Variants in PCDH15 observed in about 807,000 individuals in gnomAD.
PCDH15 encodes the protein protocadherin related 15, also known as protocadherin-15.
Under a neutral mutation model 178.5 loss-of-function variants are expected in PCDH15, and 129 were observed. The ratio of observed to expected loss-of-function variants is 0.72; its 90% CI spans 0.63 to 0.84. PCDH15 has a LOEUF of 0.84. Ranked by LOEUF, PCDH15 falls within the 40% of genes least tolerant of loss-of-function variation. The pLI, the probability that PCDH15 is intolerant of heterozygous loss-of-function variation, is 0.00. For missense variants in PCDH15, 2,230 were observed against 2,099.9 expected (o/e 1.06, Z -1.21); for synonymous variants, 800 against 732.0 (o/e 1.09, Z -1.50).
chr10:54,731,561 T>C (rs202102967), intron 1 of PCDH15, among the ~76,000 whole-genome samples: 2,489 of 48,290 alleles, frequency 0.052, 103 homozygotes, highest in African/African-American at 0.13. Context: ...TATATATATA[T>C]ATACACACAC....
intron 11 of PCDH15, 100 bp downstream of exon 11, chr10:54,195,583 C>G (rs890143567): frequency 2.9e-6 from 3 of 1,026,636 alleles, no homozygotes; most frequent in African/African-American, 1.6e-5. Flanking sequence ...ACTTAATTCT[C>G]TCTTCTCTAG....
chr10:55,025,316 T>C (rs1202635334), intron 2 of PCDH15, among the ~76,000 whole-genome samples: 7 of 152,212 alleles, frequency 4.6e-5, no homozygotes, highest in African/African-American at 7.2e-5. Flanking sequence ...GATGGTTTTA[T>C]GTTCTTCTTT....
chr10:55,418,122 C>T (rs1022137500), intron 2 of PCDH15, among the ~76,000 whole-genome samples: 46 of 151,532 alleles, frequency 3.0e-4, no homozygotes, highest in African/African-American at 8.2e-4. Flanking sequence ...AATCATAGAA[C>T]AGTACATGGT....
chr10:54,901,602 G>A (rs6481128), intron 2 of PCDH15, among the ~76,000 whole-genome samples: 93,481 of 151,880 alleles, frequency 0.62, 29,598 homozygotes, highest in African/African-American at 0.75. Flanking sequence ...TTAAATAAAT[G>A]TCATTTTTTT....
At chr10:55,066,549 T>G (rs1281425530) in intron 2 of PCDH15, among the ~76,000 whole-genome samples, 1 of 149,702 alleles carries the variant, frequency 6.7e-6, no homozygotes, top group Non-Finnish European at 1.5e-5. Context: ...TTTATTAATT[T>G]ATAAATTTAT....
intron 1 of PCDH15, among the ~76,000 whole-genome samples, chr10:54,786,853 A>G (rs1025845171): frequency 7.2e-5 from 11 of 151,864 alleles, no homozygotes; most frequent in Non-Finnish European, 2.9e-5. Flanking sequence ...CAAATAGGGT[A>G]TGGCAGGTCT....
In PCDH15 at chr10:55,160,826, G is replaced by A. The variant is rs114945939; in HGVS notation, c.-80+5750C>T. Among the ~76,000 whole-genome samples, 1,147 of 152,048 alleles carry A rather than the reference G, an allele frequency of 7.5e-3. 17 individuals carry two copies. Among genetic ancestry groups the A allele is most frequent in the African/African-American group, 0.025 (1,036 of 41,466 alleles). On this transcript the variant is annotated intron_variant, in intron 2 of 5. Coordinates refer to the PCDH15 transcript ENST00000458638. ...CTCCTCTGTAGCACTGCCTGTTGAC[G>A]TCTAGGAATACTCTTTACAAGCTTA... is the stretch of plus-strand genomic sequence containing the variant.
Position 55,464,076 on chromosome 10 carries a change from G to A in PCDH15, c.-156+163549C>T, listed in dbSNP as rs1296832057. Among the ~76,000 whole-genome samples, 5 of 59,002 alleles carry A rather than the reference G, an allele frequency of 8.5e-5. 1 individual carries two copies. The highest frequency in any genetic ancestry group is 2.1e-4 in the African/African-American group (4 of 19,466). The allele number at this position is 59,002 out of a possible 152,430, so 38.7% of individuals were successfully genotyped here. ...AAGAAAGAAAGAAAAGGAAAGAAAGGGAAAGAAGAAAAGAAAAGGAGTACT... is the reference window on the plus strand; with the variant it reads ...AAGAAAGAAAGAAAAGGAAAGAAAGAGAAAGAAGAAAAGAAAAGGAGTACT... On this transcript the variant is annotated intron_variant, in intron 2 of 5. Transcript: ENST00000613346.
intron 8 of PCDH15, among the ~76,000 whole-genome samples, chr10:54,300,573 G>A (rs535689337): frequency 7.3e-4 from 111 of 152,256 alleles, no homozygotes; most frequent in African/African-American, 2.4e-3. Flanking sequence ...AGTGGTCATC[G>A]CCCAATTCCT....
chr10:55,348,039 A>G (rs1844810131), intron 2 of PCDH15, among the ~76,000 whole-genome samples: 1 of 152,098 alleles, frequency 6.6e-6, no homozygotes, highest in Non-Finnish European at 1.5e-5. Context: ...CAAATAATAC[A>G]AAAATTTCCA....
intron 15 of PCDH15, among the ~76,000 whole-genome samples, chr10:54,131,856 T>C (rs536676961): frequency 2.2e-4 from 33 of 152,346 alleles, no homozygotes; most frequent in South Asian, 6.2e-4. Context: ...TTTGCATCAT[T>C]TTCAATACAA....
chr10:54,668,109 A>G (rs949179810), intron 1 of PCDH15, among the ~76,000 whole-genome samples: 1 of 152,002 alleles, frequency 6.6e-6, no homozygotes, highest in African/African-American at 2.4e-5. Context: ...CTGGCATTCA[A>G]TGTTCTCAAA....
chr10:55,309,716 C>G (rs11004801), intron 1 of PCDH15, among the ~76,000 whole-genome samples: 625 of 152,238 alleles, frequency 4.1e-3, no homozygotes, highest in Middle Eastern at 6.9e-3. Flanking sequence ...AAACAGATTA[C>G]TACATTTGTT....
chr10:54,229,653 G>T (rs1404424567), intron 9 of PCDH15, among the ~76,000 whole-genome samples: 1 of 152,130 alleles, frequency 6.6e-6, no homozygotes, highest in Non-Finnish European at 1.5e-5. Flanking sequence ...TCCTTCACAA[G>T]CTCTCTTTTC....
intron 2 of PCDH15, among the ~76,000 whole-genome samples, chr10:55,369,492 T>C (rs1270323654): frequency 1.3e-5 from 2 of 151,664 alleles, no homozygotes; most frequent in Non-Finnish European, 2.9e-5. Flanking sequence ...TATCCAAGAG[T>C]GACAATGGAA....
intron 1 of PCDH15, among the ~76,000 whole-genome samples, chr10:54,795,709 G>T (rs561295854): frequency 6.6e-6 from 1 of 151,926 alleles, no homozygotes; most frequent in African/African-American, 2.4e-5. Context: ...AATAATACCT[G>T]AGTTTTCCAG....
chr10:54,277,672 T>C (rs920351080), intron 8 of PCDH15, among the ~76,000 whole-genome samples: 1 of 151,620 alleles, frequency 6.6e-6, no homozygotes, highest in South Asian at 2.1e-4. Flanking sequence ...GAGGGAGACG[T>C]TGTGAAATAG....
intron 2 of PCDH15, among the ~76,000 whole-genome samples, chr10:55,107,484 C>CT (rs11290952): frequency 0.056 from 4,864 of 86,146 alleles, 25 homozygotes; most frequent in East Asian, 0.071. Context: ...ATTCTCTTTC[C>CT]TTTTTTTTTT....
intron 29 of PCDH15, among the ~76,000 whole-genome samples, chr10:53,839,396 A>G (rs886294369): frequency 6.6e-6 from 1 of 152,086 alleles, no homozygotes; most frequent in African/African-American, 2.4e-5. Context: ...ATAGATATTT[A>G]CAAAATAAAT....
Sources: allele counts gnomAD v4.1 joint callset (sites outside exome capture counted in the v4.1 genomes callset), GRCh38; gene constraint gnomAD v4.1.1; transcripts MANE v1.5; gene names NCBI Gene and HGNC (gene_info 2026-07-23, HGNC 2026-07-21).